CADPS: variants seen among roughly 807,000 people sequenced by gnomAD.
The protein encoded by CADPS is calcium dependent secretion activator, also known as calcium-dependent secretion activator 1.
In CADPS, 57 loss-of-function variants were observed where a neutral mutation model predicts 167.3. That is an observed-to-expected ratio of 0.34 (90% confidence interval 0.28 to 0.42). The LOEUF (loss-of-function observed/expected upper bound fraction) is 0.42. Ranked by LOEUF, CADPS falls within the 20% of genes least tolerant of loss-of-function variation. The pLI is 1.00. For synonymous variants in CADPS, 676 were observed against 635.3 expected, an observed-to-expected ratio of 1.06 and a Z score of -0.96; for missense variants, 1,414 against 1,738.1, an observed-to-expected ratio of 0.81 and a Z score of 3.32.
intron 21 of CADPS, among the ~76,000 whole-genome samples, chr3:62,487,585 C>T (rs143432900): frequency 1.6e-4 from 25 of 152,322 alleles, no homozygotes; most frequent in African/African-American, 6.0e-4. Flanking sequence ...AGATTCTAAC[C>T]ATGACTGTGT....
intron 1 of CADPS, among the ~76,000 whole-genome samples, chr3:62,853,781 C>T (rs1292301667): frequency 6.6e-6 from 1 of 151,602 alleles, no homozygotes; most frequent in African/African-American, 2.4e-5. Flanking sequence ...GGCAACATGG[C>T]AAAACCCTGT....
chr3:62,439,230 T>A (rs895273119), intron 27 of CADPS: 1 of 152,190 alleles, frequency 6.6e-6, no homozygotes, highest in Non-Finnish European at 1.5e-5. Context: ...GACGTGACTG[T>A]CAGGCACTGT....
intron 27 of CADPS, chr3:62,440,469 G>T (rs2056080719): frequency 2.0e-5 from 3 of 147,192 alleles, no homozygotes; most frequent in African/African-American, 5.1e-5. Flanking sequence ...GCCATATATT[G>T]TAATACAAAC....
chr3:62,662,042 T>C (rs77388098), intron 4 of CADPS, among the ~76,000 whole-genome samples: 2,810 of 152,288 alleles, frequency 0.018, 91 homozygotes, highest in African/African-American at 0.063. Flanking sequence ...AGTGGAAATG[T>C]TCAGTAGACT....
chr3:62,511,829 C>T (rs2067907530), intron 17 of CADPS, among the ~76,000 whole-genome samples: 1 of 152,124 alleles, frequency 6.6e-6, no homozygotes, highest in South Asian at 2.1e-4. Flanking sequence ...CTCTTGTTTA[C>T]ATAGTCTCTG....
intron 7 of CADPS, among the ~76,000 whole-genome samples, chr3:62,588,804 A>T (rs944989805): frequency 5.3e-5 from 8 of 152,198 alleles, no homozygotes; most frequent in South Asian, 2.1e-4. Flanking sequence ...GGGTCATATG[A>T]AAACTAATCA....
At chr3:62,777,523 C>T (rs1046043420) in intron 1 of CADPS, among the ~76,000 whole-genome samples, 1 of 152,042 alleles carries the variant, frequency 6.6e-6, no homozygotes, top group African/African-American at 2.4e-5. Flanking sequence ...CAAGTGCACA[C>T]CCTAATGCAA....
At chr3:62,831,934 C>A (rs1454556274) in intron 1 of CADPS, among the ~76,000 whole-genome samples, 1 of 152,138 alleles carries the variant, frequency 6.6e-6, no homozygotes, top group African/African-American at 2.4e-5. Context: ...GAGTCTTGAC[C>A]AAGATCTCTT....
chr3:62,403,513 C>T (rs1707195752), intron 28 of CADPS: 3 of 175,950 alleles, frequency 1.7e-5, no homozygotes, highest in South Asian at 1.7e-4. Flanking sequence ...GTTAATTTTA[C>T]ACCATTTATA....
intron 21 of CADPS, among the ~76,000 whole-genome samples, chr3:62,488,715 C>G (rs1408497405): frequency 1.3e-5 from 2 of 152,028 alleles, no homozygotes; most frequent in Admixed American, 1.3e-4. Context: ...GTCTTGAACT[C>G]CTGGCCTCAG....
At chr3:62,577,493 G>C (rs1279056824) in intron 8 of CADPS, among the ~76,000 whole-genome samples, 1 of 152,102 alleles carries the variant, frequency 6.6e-6, no homozygotes, top group Admixed American at 6.5e-5. Flanking sequence ...AGAAGATGGA[G>C]AGCAGGGAGA....
At chr3:62,530,305 A>G (rs1261983314) in intron 13 of CADPS, among the ~76,000 whole-genome samples, 2 of 152,222 alleles carry the variant, frequency 1.3e-5, no homozygotes, top group Non-Finnish European at 2.9e-5. Flanking sequence ...TCAAAATTAT[A>G]AAGCATGGGT....
chr3:62,818,819 G>A (rs1559768391), intron 1 of CADPS, among the ~76,000 whole-genome samples: 1 of 152,138 alleles, frequency 6.6e-6, no homozygotes. Context: ...TTGTGTTATA[G>A]CCAAACAATG....
chr3:62,874,842 C>T lies in CADPS; in HGVS notation c.188G>A (p.Gly63Asp). The T allele has an allele frequency of 4.8e-6, 5 of 1,043,546 alleles. No homozygotes were observed. The highest frequency in any genetic ancestry group is 5.8e-6 in the Non-Finnish European group (5 of 862,152). The allele number at this position is 1,043,546 out of a possible 1,614,324, so 64.6% of individuals were successfully genotyped here. A position where few individuals can be genotyped will look rare whatever the true frequency, so the allele number is the denominator to read the frequency against. The change falls in exon 1 of 30, where the codon GGC becomes GAC. Residue 63 changes from glycine to aspartate, a missense_variant. Gly to Asp is a moderately conservative substitution (Grantham distance 94). This residue lies in a region of CADPS where 522 missense variants were observed against 559.5 expected (regional missense o/e 0.93). Coordinates refer to ENST00000383710, the MANE Select transcript of CADPS (RefSeq NM_003716.4). The surrounding 1 kb of genome is among the most constrained non-coding windows in gnomAD (Gnocchi z 7.1). ...AGAGAGVGAG[G>D]GGGSGASSGG... ...GCTGCTCGCGCCGCTGCCCCCGCCG[C>T]CGCCTGCACCCACCCCGGCTCCGGC... is the stretch of plus-strand genomic sequence containing the variant.
chr3:62,817,395 C>T (rs542456617), intron 1 of CADPS, among the ~76,000 whole-genome samples: 1 of 152,270 alleles, frequency 6.6e-6, no homozygotes, highest in South Asian at 2.1e-4. Flanking sequence ...CCATTCAACA[C>T]TGTCATATGA....
At chr3:62,692,385 G>GTT (rs11432959) in intron 3 of CADPS, among the ~76,000 whole-genome samples, 3 of 151,388 alleles carry the variant, frequency 2.0e-5, no homozygotes, top group African/African-American at 7.3e-5. Context: ...TATGAGTACG[G>GTT]TTTTTTCCTG....
chr3:62,453,576 C>A (rs1222443457), intron 26 of CADPS, among the ~76,000 whole-genome samples: 1 of 152,082 alleles, frequency 6.6e-6, no homozygotes, highest in Non-Finnish European at 1.5e-5. Context: ...ATTTTAAGTG[C>A]CAACTGAGGG....
intron 1 of CADPS, among the ~76,000 whole-genome samples, chr3:62,770,380 G>C (rs377739471): frequency 6.6e-6 from 1 of 152,122 alleles, no homozygotes; most frequent in Non-Finnish European, 1.5e-5. Flanking sequence ...CATGTACCCA[G>C]AAAAATATAC....
At chr3:62,427,088 A>AG (rs1232363103) in intron 28 of CADPS, among the ~76,000 whole-genome samples, 1 of 151,284 alleles carries the variant, frequency 6.6e-6, no homozygotes, top group Admixed American at 6.6e-5. Flanking sequence ...AAAAAAAAAA[A>AG]AAGAAAAGTT....
Sources: gnomAD v4.1 joint callset for allele counts (sites outside exome capture counted in the v4.1 genomes callset) on GRCh38, gnomAD v4.1.1 for gene constraint, gnomAD v4.1.1 regional missense constraint, Gnocchi (gnomAD v3.1) non-coding constraint, MANE v1.5 for transcripts, NCBI Gene and HGNC (gene_info 2026-07-23, HGNC 2026-07-21) for gene names.